Variants in HORMAD2 observed in about 807,000 individuals in gnomAD.
HORMAD2 encodes HORMA domain containing 2, also known as HORMA domain-containing protein 2.
A neutral mutation model predicts 38.8 loss-of-function variants in HORMAD2; 45 were observed. The ratio of observed to expected loss-of-function variants is 1.16; its 90% CI spans 0.91 to 1.49. HORMAD2 has a LOEUF of 1.49. Ranked by LOEUF, HORMAD2 falls within the 40% of genes most tolerant of loss-of-function variation. The probability of loss-of-function intolerance (pLI) is 0.00; values close to 1 mark genes in which losing one functional copy is unlikely to be tolerated. For synonymous variants in HORMAD2, 126 were observed against 122.8 expected (o/e 1.03, Z -0.17); for missense variants, 338 against 367.0 (o/e 0.92, Z 0.65).
chr22:30,181,824 T>C (rs1407798112), downstream of HORMAD2, among the ~76,000 whole-genome samples: 1 of 152,192 alleles, frequency 6.6e-6, no homozygotes, highest in Non-Finnish European at 1.5e-5. Flanking sequence ...CAATCAACAT[T>C]TGACTGTTTT....
chr22:30,097,472 T>G (rs950609013), intron 2 of HORMAD2, among the ~76,000 whole-genome samples: 1 of 152,226 alleles, frequency 6.6e-6, no homozygotes, highest in Non-Finnish European at 1.5e-5. Context: ...ATTCCTAGTA[T>G]TGATACTTTT....
chr22:30,162,763 C>T (rs1351311265), intron 10 of HORMAD2, among the ~76,000 whole-genome samples: 8 of 144,336 alleles, frequency 5.5e-5, no homozygotes, highest in Middle Eastern at 3.7e-3. Flanking sequence ...AGTGCAGTGG[C>T]GCAATCTCGG....
chr22:30,081,322 C>G (rs1261262378), intron 1 of HORMAD2: 2 of 151,762 alleles, frequency 1.3e-5, no homozygotes, highest in Non-Finnish European at 2.9e-5. Flanking sequence ...GTAGTTGCCT[C>G]GTAGATGTTG....
chr22:30,156,277 G>A (rs1208178634), intron 10 of HORMAD2, among the ~76,000 whole-genome samples: 1 of 152,174 alleles, frequency 6.6e-6, no homozygotes, highest in Non-Finnish European at 1.5e-5. Flanking sequence ...CCTACCTAGT[G>A]TAGCTTTCAC....
intron 7 of HORMAD2, among the ~76,000 whole-genome samples, 173 bp downstream of exon 7, chr22:30,112,695 A>C (rs1365425544): frequency 1.3e-5 from 2 of 151,978 alleles, no homozygotes; most frequent in Non-Finnish European, 2.9e-5. Flanking sequence ...TTATTATGAG[A>C]TTTTTCAAAA....
At chr22:30,145,825 C>T (rs1924377208) in intron 10 of HORMAD2, among the ~76,000 whole-genome samples, 1 of 152,100 alleles carries the variant, frequency 6.6e-6, no homozygotes, top group South Asian at 2.1e-4. Flanking sequence ...AGAAATAATA[C>T]TAATTTTGAA....
At chr22:30,178,793 TA>T (rs1195056993), downstream of HORMAD2, among the ~76,000 whole-genome samples, 1 of 152,210 alleles carries the variant, frequency 6.6e-6, no homozygotes, top group African/African-American at 2.4e-5. Flanking sequence ...ACTGAGACAT[TA>T]TTAAATAAAA....
At chr22:30,082,811 A>G (rs1426302671) in intron 1 of HORMAD2, among the ~76,000 whole-genome samples, 1 of 149,782 alleles carries the variant, frequency 6.7e-6, no homozygotes, top group East Asian at 1.9e-4. Context: ...AAAAAAAAAG[A>G]AAAGAAAAGA....
At chr22:30,125,216 C>CTTTCTTTTTTT (rs1922757701) in intron 10 of HORMAD2, among the ~76,000 whole-genome samples, 1 of 43,480 alleles carries the variant, frequency 2.3e-5, no homozygotes, top group African/African-American at 1.0e-4. Context: ...TTTTTCTTTT[C>CTTTCTTTTTTT]TTTTTTTTTT....
chr22:30,129,057 A>G (rs1008357565), intron 10 of HORMAD2, among the ~76,000 whole-genome samples: 3 of 151,762 alleles, frequency 2.0e-5, no homozygotes, highest in Admixed American at 6.6e-5. Flanking sequence ...TCTCTACTAA[A>G]AATACAAAAA....
intron 1 of HORMAD2, among the ~76,000 whole-genome samples, chr22:30,084,951 G>A (rs1193828088): frequency 6.6e-6 from 1 of 151,766 alleles, no homozygotes; most frequent in Non-Finnish European, 1.5e-5. Context: ...CGAGACCATC[G>A]TCGCTAACAT....
At chr22:30,114,671 A>C (rs190401445) in intron 7 of HORMAD2, among the ~76,000 whole-genome samples, 23 of 152,202 alleles carry the variant, frequency 1.5e-4, no homozygotes, top group Non-Finnish European at 2.6e-4. Flanking sequence ...TACACTAGAC[A>C]GTTGGATTAA....
chr22:30,081,669 G>C (rs1285691292), intron 1 of HORMAD2, among the ~76,000 whole-genome samples: 1 of 151,896 alleles, frequency 6.6e-6, no homozygotes, highest in Non-Finnish European at 1.5e-5. Flanking sequence ...TCCACCTCTC[G>C]GGTTCAAGCG....
intron 10 of HORMAD2, among the ~76,000 whole-genome samples, chr22:30,129,451 A>G (rs1050333464): frequency 6.6e-6 from 1 of 152,126 alleles, no homozygotes; most frequent in African/African-American, 2.4e-5. Context: ...AGAGCTTTAC[A>G]TATATTATCA....
intron 10 of HORMAD2, among the ~76,000 whole-genome samples, chr22:30,150,454 T>C (rs1269679973): frequency 1.3e-5 from 2 of 152,168 alleles, no homozygotes; most frequent in Non-Finnish European, 2.9e-5. Context: ...TCTCTGTGTG[T>C]CTGTGTTTGT....
intron 10 of HORMAD2, among the ~76,000 whole-genome samples, chr22:30,147,812 A>C (rs1259684448): frequency 1.3e-5 from 2 of 152,226 alleles, no homozygotes; most frequent in Non-Finnish European, 2.9e-5. Flanking sequence ...ATATCACAGG[A>C]AAATATGTAT....
At chr22:30,174,516 T>A (rs953438620) in intron 10 of HORMAD2, among the ~76,000 whole-genome samples, 4 of 152,326 alleles carry the variant, frequency 2.6e-5, no homozygotes, top group African/African-American at 9.6e-5. Flanking sequence ...CTTGAGATAT[T>A]GAAGATATTT....
downstream of HORMAD2, among the ~76,000 whole-genome samples, chr22:30,179,316 C>T (rs751353252): frequency 5.3e-5 from 8 of 151,986 alleles, no homozygotes; most frequent in Non-Finnish European, 7.4e-5. Flanking sequence ...TCTGTACAAG[C>T]GAGAAAATGC....
At chr22:30,137,055 A>T (rs1354591678) in intron 10 of HORMAD2, 1 of 377,782 alleles carries the variant, frequency 2.6e-6, no homozygotes, top group African/African-American at 2.1e-5. Flanking sequence ...AACACAAAAC[A>T]GACAAAGTAA....
Sources: allele counts gnomAD v4.1 joint callset (sites outside exome capture counted in the v4.1 genomes callset), GRCh38; gene constraint gnomAD v4.1.1; transcripts MANE v1.5; gene names NCBI Gene and HGNC (gene_info 2026-07-23, HGNC 2026-07-21).